The following DPYSL4 variants were observed in gnomAD, a reference collection of about 807,000 sequenced individuals.
The protein encoded by DPYSL4 is dihydropyrimidinase like 4.
Under a neutral mutation model 63.4 loss-of-function variants are expected in DPYSL4, and 43 were observed. That is an observed-to-expected ratio of 0.68 (90% CI 0.53 to 0.88). DPYSL4 has a LOEUF of 0.88. DPYSL4 is among the 40% of genes least tolerant of loss of function. DPYSL4 has a pLI of 0.00. For missense variants in DPYSL4, 733 were observed against 819.5 expected, an observed-to-expected ratio of 0.89 and a Z score of 1.29; for synonymous variants, 353 against 331.7, an observed-to-expected ratio of 1.06 and a Z score of -0.70.
intron 10 of DPYSL4, 96 bp from the exon 11 acceptor site, chr10:132,201,850 C>A: frequency 1.5e-6 from 2 of 1,327,836 alleles, no homozygotes; most frequent in Non-Finnish European, 2.1e-6. Context: ...ACCTGGCATC[C>A]ATCCTTGTGG....
In DPYSL4 at chr10:132,202,243, C is replaced by T. The variant is rs116075344; in HGVS notation, c.1281+127C>T. On this transcript the variant is annotated intron_variant, in intron 11 of 13. Transcript: ENST00000338492. The stretch of plus-strand genomic sequence containing the variant: ...GCAGTGGCCTCAGCCATCCCAGGGC[C>T]GTCCACACAGCCTGTCCCAGGCCAG... 1.5e-4 allele frequency: 189 copies of T among 1,245,692 alleles called. No homozygotes were observed. The East Asian group carries it at 2.9e-3, about 19-fold the overall frequency. 77.2% of individuals were successfully genotyped at this position (1,245,692 alleles called of 1,614,324 possible).
chr10:132,192,588 G>C, intron 2 of DPYSL4, 70 bp from the exon 3 acceptor site: 1 of 1,517,526 alleles, frequency 6.6e-7, no homozygotes, highest in East Asian at 2.3e-5. Flanking sequence ...TAGCTCTGCT[G>C]CATTGCTGGG....
At chr10:132,201,382 C>A (rs1726783989) in intron 10 of DPYSL4, among the ~76,000 whole-genome samples, 1 of 152,234 alleles carries the variant, frequency 6.6e-6, no homozygotes, top group Non-Finnish European at 1.5e-5. Flanking sequence ...CTGAGCTCTT[C>A]CCCTCAGCTG....
chr10:132,203,201 T>C (rs898175513), intron 12 of DPYSL4, among the ~76,000 whole-genome samples: 15 of 152,154 alleles, frequency 9.9e-5, no homozygotes, highest in African/African-American at 3.4e-4. Flanking sequence ...GGATTCCCCA[T>C]GGACAGACGT....
intron 1 of DPYSL4, among the ~76,000 whole-genome samples, chr10:132,189,325 C>G (rs2061843870): frequency 7.9e-6 from 1 of 126,526 alleles, no homozygotes; most frequent in African/African-American, 2.8e-5. Context: ...TTTTGTGTTT[C>G]TCTCCCCCAT....
At chr10:132,203,483 G>A in intron 12 of DPYSL4, 1 of 491,776 alleles carries the variant, frequency 2.0e-6, no homozygotes, top group Non-Finnish European at 3.7e-6. Context: ...ACCTGTGTTG[G>A]TAAGACTGAG....
chr10:132,199,834 C>A (rs1466826989), intron 8 of DPYSL4, among the ~76,000 whole-genome samples: 1 of 151,732 alleles, frequency 6.6e-6, no homozygotes, highest in Non-Finnish European at 1.5e-5. Context: ...CCGGGCCTCA[C>A]TCAGGACACC....
chr10:132,204,151 C>G (rs2062062025), intron 13 of DPYSL4, among the ~76,000 whole-genome samples: 1 of 152,224 alleles, frequency 6.6e-6, no homozygotes, highest in Non-Finnish European at 1.5e-5. Flanking sequence ...TGTGATGAAC[C>G]CTCACCTTCA....
At position 132,194,798 on chromosome 10, in the gene DPYSL4, G is replaced by C. The variant is rs147306284; in HGVS notation, c.314-47G>C. On this transcript the variant is annotated intron_variant, in intron 3 of 13. Transcript: ENST00000338492. ...TCTCCCATGGAGGAGGCAGAGGTGG[G>C]AACCAGGGACCAGTGGGGGAAGCTG... The C allele has an allele frequency of 1.5e-4, 239 of 1,595,190 alleles. No individual in the cohort carries two copies. The East Asian group carries it at 5.3e-3, about 35-fold the overall frequency.
At position 132,192,063 on chromosome 10, in the gene DPYSL4, A is replaced by G. The variant is rs34588848; in HGVS notation, c.129-595A>G. ...TCACGTGGTATCCAGGCAGGTGAAA[A>G]TAGTTCCCAGCTCTTGTGTACACAC... On this transcript the variant is annotated intron_variant, in intron 2 of 13. Transcript: ENST00000338492. Among the ~76,000 whole-genome samples, 1,624 of 37,264 alleles carry G rather than the reference A, an allele frequency of 0.044. 587 individuals are homozygous for G. In the East Asian group the frequency reaches 0.74, roughly 17 times the overall value. The allele number at this position is 37,264 out of a possible 152,430, so 24.4% of individuals were successfully genotyped here. A position where few individuals can be genotyped will look rare whatever the true frequency, so the allele number is the denominator to read the frequency against.
intron 11 of DPYSL4, 134 bp downstream of exon 11, chr10:132,202,250 A>G: frequency 1.7e-6 from 2 of 1,187,138 alleles, no homozygotes; most frequent in Non-Finnish European, 2.3e-6. Flanking sequence ...GGCCGTCCAC[A>G]CAGCCTGTCC....
chr10:132,199,729 T>G (rs2061987857), intron 8 of DPYSL4, among the ~76,000 whole-genome samples: 1 of 151,894 alleles, frequency 6.6e-6, no homozygotes, highest in Non-Finnish European at 1.5e-5. Flanking sequence ...CTTCTATGTG[T>G]TTCCTGCATC....
chr10:132,198,692 CGT>C (rs1163492357), intron 7 of DPYSL4, among the ~76,000 whole-genome samples, 157 bp from the exon 8 acceptor site: 2 of 152,206 alleles, frequency 1.3e-5, no homozygotes, highest in Non-Finnish European at 2.9e-5. Context: ...CAGAAGGTGG[CGT>C]GGGCAGGCCC....
chr10:132,197,135 C>A lies in DPYSL4; in HGVS notation c.621+34C>A, dbSNP rs540651688. The stretch of plus-strand genomic sequence containing the variant: ...GGGCAGGGCTGCCGTGGGGCAGGCA[C>A]AGGGGCTGCCGTGGGGCAGGGGCTG... On this transcript the variant is annotated intron_variant, in intron 6 of 13. Transcript: ENST00000338492. 2.1e-6 allele frequency: 3 copies of A among 1,457,910 alleles called. No individual in the cohort carries two copies. The African/African-American group carries it at 4.3e-5, about 21-fold the overall frequency. The allele number at this position is 1,457,910 out of a possible 1,614,324, so 90.3% of individuals were successfully genotyped here.
chr10:132,187,742 C>T (rs187259067), intron 1 of DPYSL4, among the ~76,000 whole-genome samples: 59 of 152,348 alleles, frequency 3.9e-4, no homozygotes, highest in Non-Finnish European at 7.1e-4. Flanking sequence ...GGCCACTGGC[C>T]GGGAACCCTG....
intron 3 of DPYSL4, among the ~76,000 whole-genome samples, chr10:132,193,392 C>T (rs2061901944): frequency 6.6e-6 from 1 of 152,274 alleles, no homozygotes; most frequent in Admixed American, 6.5e-5. Flanking sequence ...TATCCTGACA[C>T]CCATCGGCTC....
At position 132,196,861 on chromosome 10, in the gene DPYSL4, G is replaced by A. The variant is rs754294307; in HGVS notation, c.479G>A (p.Gly160Asp). 16 of 1,613,596 alleles carry A rather than the reference G, an allele frequency of 9.9e-6. No individual in the cohort carries two copies. Among genetic ancestry groups the A allele is most frequent in the Non-Finnish European group, 1.4e-5 (16 of 1,180,002 alleles). Residue 160 changes from glycine (G) to aspartate (D), a missense_variant and splice_region_variant, in exon 5 of 14, where the codon GGT becomes GAT. Physicochemically the swap from Gly to Asp is moderately conservative, Grantham distance 94. Transcript: ENST00000338492. ...CCTCTGACCCCTGCCTCTTCTCCAG[G>A]TGTGAACTCCTTCCTGGTCTTCATG... ...EELEALVKEK[G>D]VNSFLVFMAY... is the part of the protein sequence containing the mutation.
At chr10:132,187,721 G>C (rs1379822858) in intron 1 of DPYSL4, among the ~76,000 whole-genome samples, 1 of 152,246 alleles carries the variant, frequency 6.6e-6, no homozygotes, top group African/African-American at 2.4e-5. Context: ...CAAGGAAAGC[G>C]AGCGGTCAAG....
Position 132,205,614 on chromosome 10 carries a change from T to C in DPYSL4, c.*684T>C, listed in dbSNP as rs2062087811. The C allele has an allele frequency of 1.3e-5, 2 of 152,410 alleles. No homozygotes were observed. The highest frequency in any genetic ancestry group is 2.9e-5 in the Non-Finnish European group (2 of 68,074). 9.4% of individuals were successfully genotyped at this position (152,410 alleles called of 1,614,324 possible). ...GAAGACACTGTCCTCTTATTACAGATTGTGTATTTCCGTAGGCTTCTTAGT... is the reference window on the plus strand; with the variant it reads ...GAAGACACTGTCCTCTTATTACAGACTGTGTATTTCCGTAGGCTTCTTAGT... On this transcript the variant is annotated 3_prime_UTR_variant, in exon 14 of 14. Transcript: ENST00000338492.
Sources: allele counts gnomAD v4.1 joint callset (sites outside exome capture counted in the v4.1 genomes callset), GRCh38; gene constraint gnomAD v4.1.1; transcripts MANE v1.5; gene names NCBI Gene and HGNC (gene_info 2026-07-23, HGNC 2026-07-21).